Variants in NPNT observed in about 807,000 individuals in gnomAD.
The protein encoded by NPNT is preosteoblast EGF-like repeat protein with MAM domain.
A neutral mutation model predicts 68.6 loss-of-function variants in NPNT; 45 were observed. That is an observed-to-expected ratio of 0.66 (90% CI 0.52 to 0.84). The LOEUF is 0.84. Among genes scored for constraint, NPNT ranks in the 40% least tolerant of loss-of-function variants. NPNT has a pLI of 0.00. For missense variants in NPNT, 672 were observed against 714.8 expected (o/e 0.94, Z 0.68); for synonymous variants, 233 against 253.3 (o/e 0.92, Z 0.76).
intron 2 of NPNT, chr4:105,912,660 T>C (rs1041948010): frequency 3.3e-6 from 2 of 604,940 alleles, no homozygotes; most frequent in East Asian, 1.4e-4. Flanking sequence ...AGGTAAGAAA[T>C]ATTTTTATTG....
At chr4:105,931,625 C>G (rs1008291335) in intron 3 of NPNT, among the ~76,000 whole-genome samples, 1 of 145,920 alleles carries the variant, frequency 6.9e-6, no homozygotes, top group African/African-American at 2.5e-5. Context: ...GATATCGAGA[C>G]CATCCTGGCT....
At chr4:105,948,883 C>A (rs1730591431) in intron 8 of NPNT, among the ~76,000 whole-genome samples, 1 of 152,134 alleles carries the variant, frequency 6.6e-6, no homozygotes, top group Non-Finnish European at 1.5e-5. Context: ...TAGGCATGAA[C>A]CACTGCACCC....
chr4:105,946,090 A>G (rs897145283), intron 8 of NPNT, among the ~76,000 whole-genome samples: 1 of 152,230 alleles, frequency 6.6e-6, no homozygotes, highest in Non-Finnish European at 1.5e-5. Context: ...TATAATTAAA[A>G]GTATTGTGCT....
chr4:105,966,027 T>G (rs1732104341), intron 10 of NPNT, among the ~76,000 whole-genome samples: 1 of 145,498 alleles, frequency 6.9e-6, no homozygotes, highest in African/African-American at 2.5e-5. Context: ...GAGAAGACAC[T>G]GGAATAAAAA....
chr4:105,913,724 T>A (rs1217843971), intron 2 of NPNT, among the ~76,000 whole-genome samples: 1 of 152,192 alleles, frequency 6.6e-6, no homozygotes, highest in Non-Finnish European at 1.5e-5. Flanking sequence ...AATAATCAAT[T>A]GGAAGTAGAA....
intron 7 of NPNT, among the ~76,000 whole-genome samples, chr4:105,941,278 C>A (rs1017705109): frequency 6.6e-6 from 1 of 152,170 alleles, no homozygotes; most frequent in South Asian, 2.1e-4. Flanking sequence ...GATCTTAAGA[C>A]TGCCATGAGC....
Position 105,958,994 on chromosome 4 carries a change from T to C in NPNT, c.1247-34T>C, listed in dbSNP as rs979873494. ...CATTTGTTGTTTTTTGTTGATTTTCTGATCCACTCATCTTTCTGATTATTT... is the reference window on the plus strand; with the variant it reads ...CATTTGTTGTTTTTTGTTGATTTTCCGATCCACTCATCTTTCTGATTATTT... On this transcript the variant is annotated intron_variant, in intron 9 of 11. Transcript: ENST00000379987. 2.9e-6 allele frequency: 4 copies of C among 1,359,354 alleles called. No individual in the cohort carries two copies. The African/African-American group carries it at 4.3e-5, about 15-fold the overall frequency. 84.2% of individuals were successfully genotyped at this position (1,359,354 alleles called of 1,614,324 possible). A position where few individuals can be genotyped will look rare whatever the true frequency, so the allele number is the denominator to read the frequency against.
intron 10 of NPNT, among the ~76,000 whole-genome samples, chr4:105,959,526 T>C (rs1440409550): frequency 6.7e-6 from 1 of 149,608 alleles, no homozygotes; most frequent in Admixed American, 6.7e-5. Flanking sequence ...TTCTTTTCTT[T>C]TTTTTTTTTT....
At chr4:105,940,289 T>A (rs1251686816) in intron 6 of NPNT, 80 bp downstream of exon 6, 1 of 1,427,184 alleles carries the variant, frequency 7.0e-7, no homozygotes, top group Non-Finnish European at 9.8e-7. Context: ...ATGGCTGGAA[T>A]GTCAGGGGCA....
At chr4:105,895,985 C>A in intron 1 of NPNT, 19 of 510,410 alleles carry the variant, frequency 3.7e-5, no homozygotes, top group Middle Eastern at 5.1e-4. Flanking sequence ...GGAATTAGGA[C>A]TGAGGGAGAG....
intron 2 of NPNT, among the ~76,000 whole-genome samples, chr4:105,900,025 G>A (rs1256164229): frequency 2.0e-5 from 3 of 152,182 alleles, no homozygotes; most frequent in African/African-American, 4.8e-5. Flanking sequence ...TTGTCACTAC[G>A]TTTGTTCAAG....
chr4:105,956,153 TGTA>T (rs1393853399), intron 8 of NPNT, among the ~76,000 whole-genome samples: 2 of 48,312 alleles, frequency 4.1e-5, no homozygotes, highest in Admixed American at 5.7e-4. Flanking sequence ...ATCTTCTAAC[TGTA>T]TGATCTAATC....
rs114941723 is a variant in NPNT, at chr4:105,904,849, T to G, written c.172+6848T>G. On this transcript the variant is annotated intron_variant, in intron 2 of 11. Coordinates refer to ENST00000379987, the MANE Select transcript of NPNT (RefSeq NM_001033047.3). ...GGTGTACACCACCACACCTAGCTAA[T>G]TTTTGTAATCAACTGATGGAGTTGA... Among the ~76,000 whole-genome samples the G allele has an allele frequency of 9.4e-3, 1,428 of 152,090 alleles. 5 individuals are homozygous for G. Among genetic ancestry groups the G allele is most frequent in the Non-Finnish European group, 0.013 (898 of 67,988 alleles).
At chr4:105,956,450 T>TTTGATAG (rs1247394220) in intron 8 of NPNT, among the ~76,000 whole-genome samples, 1 of 152,068 alleles carries the variant, frequency 6.6e-6, no homozygotes, top group African/African-American at 2.4e-5. Flanking sequence ...CGATTTGCCA[T>TTTGATAG]TTGATAGTCC....
In NPNT at chr4:105,938,332, G is replaced by T; in HGVS notation, c.417G>T (p.Gln139His). 1 of 1,613,732 alleles carries T rather than the reference G, an allele frequency of 6.2e-7. No homozygotes were observed. Among genetic ancestry groups the T allele is most frequent in the Non-Finnish European group, 8.5e-7 (1 of 1,179,778 alleles). ...TGACCTGCTCCATGGCAAACTGTCA[G>T]TATGGCTGTGATGTTGTTAAAGGAC... ...SALTCSMANC[Q>H]YGCDVVKGQI... The change falls in exon 5 of 12, where the codon CAG becomes CAT. Residue 139 changes from glutamine (Q) to histidine (H), a missense_variant. Gln to His is a conservative substitution (Grantham distance 24, BLOSUM62 0). Coordinates refer to ENST00000379987, the MANE Select transcript of NPNT (RefSeq NM_001033047.3).
Position 105,970,064 on chromosome 4 carries a change from A to G in NPNT, c.*1074A>G, listed in dbSNP as rs576784959. 33 of 226,408 alleles carry G rather than the reference A, an allele frequency of 1.5e-4. No individual in the cohort carries two copies. Among genetic ancestry groups the G allele is most frequent in the African/African-American group, 6.8e-4 (30 of 44,012 alleles). The allele number at this position is 226,408 out of a possible 1,614,324, so 14.0% of individuals were successfully genotyped here. A position where few individuals can be genotyped will look rare whatever the true frequency, so the allele number is the denominator to read the frequency against. On this transcript the variant is annotated 3_prime_UTR_variant, in exon 12 of 12. Coordinates refer to ENST00000379987, the MANE Select transcript of NPNT (RefSeq NM_001033047.3). Reference sequence around the variant, plus strand: ...ATAGGGGGAAACTCCATTGGAACAGATTTTCACACAACGTTTTAAATTGAT... The same window carrying G: ...ATAGGGGGAAACTCCATTGGAACAGGTTTTCACACAACGTTTTAAATTGAT...
At position 105,938,404 on chromosome 4, in the gene NPNT, T is replaced by C. The variant is rs979976283; in HGVS notation, c.489T>C (p.Asp163=). Residue 163 remains aspartate (D), a synonymous_variant, in exon 5 of 12, where the codon GAT becomes GAC. Coordinates refer to ENST00000379987, the MANE Select transcript of NPNT (RefSeq NM_001033047.3). ...CPSPGLQLAP[D]GRTCVDVDEC... is the part of the protein sequence containing the mutation. ...CCCCTGGCCTGCAGCTGGCTCCTGATGGGAGGACCTGTGTAGGTGAGTTGT... is the reference window on the plus strand; with the variant it reads ...CCCCTGGCCTGCAGCTGGCTCCTGACGGGAGGACCTGTGTAGGTGAGTTGT... 2.4e-5 allele frequency: 38 copies of C among 1,613,524 alleles called. No homozygotes were observed. Among genetic ancestry groups the C allele is most frequent in the Non-Finnish European group, 3.2e-5 (38 of 1,179,666 alleles).
At chr4:105,915,550 C>T (rs1727742927) in intron 2 of NPNT, among the ~76,000 whole-genome samples, 1 of 152,136 alleles carries the variant, frequency 6.6e-6, no homozygotes, top group East Asian at 1.9e-4. Context: ...AAGCGTTTGA[C>T]TCAGCAACTG....
At chr4:105,899,921 G>A (rs1726256318) in intron 2 of NPNT, among the ~76,000 whole-genome samples, 1 of 152,148 alleles carries the variant, frequency 6.6e-6, no homozygotes, top group Admixed American at 6.5e-5. Context: ...GCTTGAAGGG[G>A]CAGAACAAAC....
Sources: gnomAD v4.1 joint callset for allele counts (sites outside exome capture counted in the v4.1 genomes callset) on GRCh38, gnomAD v4.1.1 for gene constraint, MANE v1.5 for transcripts, NCBI Gene and HGNC (gene_info 2026-07-23, HGNC 2026-07-21) for gene names.